The following RBFOX1 variants were observed in gnomAD, a reference collection of about 807,000 sequenced individuals.
The protein encoded by RBFOX1 is RNA binding protein fox-1 homolog 1.
Under a neutral mutation model 57.7 loss-of-function variants are expected in RBFOX1, and 8 were observed. The observed-to-expected ratio is 0.14, with a 90% CI of 0.08 to 0.25. The LOEUF (loss-of-function observed/expected upper bound fraction) is 0.25, where lower values mean the gene tolerates loss of function less well. RBFOX1 is among the 10% of genes least tolerant of loss of function. The probability of loss-of-function intolerance (pLI) is 1.00; values close to 1 mark genes in which losing one functional copy is unlikely to be tolerated. For synonymous variants in RBFOX1, 326 were observed against 222.4 expected (o/e 1.47, Z -4.15); for missense variants, 611 against 548.5 (o/e 1.11, Z -1.14).
chr16:5,486,969 G>T (rs79599658), intron 2 of RBFOX1, among the ~76,000 whole-genome samples: 46 of 152,036 alleles, frequency 3.0e-4, no homozygotes, highest in Non-Finnish European at 4.4e-5. Context: ...TGGAGACTCC[G>T]GTCCCCTGTA....
chr16:5,707,250 T>C (rs2151495581), intron 3 of RBFOX1, among the ~76,000 whole-genome samples: 1 of 152,320 alleles, frequency 6.6e-6, no homozygotes, highest in African/African-American at 2.4e-5. Context: ...AGAGGAAATG[T>C]GTGCAATTGG....
chr16:5,740,273 C>G (rs1022832219), intron 3 of RBFOX1, among the ~76,000 whole-genome samples: 4 of 152,142 alleles, frequency 2.6e-5, no homozygotes, highest in Admixed American at 1.3e-4. Context: ...GTGAGAGGAG[C>G]AAAGCATCCA....
At chr16:7,165,963 CACAT>C (rs957367441) in intron 4 of RBFOX1, among the ~76,000 whole-genome samples, 35 of 76,136 alleles carry the variant, frequency 4.6e-4, no homozygotes, top group African/African-American at 1.2e-3. Flanking sequence ...CACACACACA[CACAT>C]ACATACATAC....
intron 4 of RBFOX1, among the ~76,000 whole-genome samples, chr16:7,322,446 C>T (rs894512807): frequency 6.6e-6 from 1 of 152,234 alleles, no homozygotes; most frequent in South Asian, 2.1e-4. Context: ...AATATGAGCC[C>T]GCCTTAAGGG....
chr16:6,733,342 T>TC (rs2069166307), intron 3 of RBFOX1, among the ~76,000 whole-genome samples: 1 of 152,116 alleles, frequency 6.6e-6, no homozygotes, highest in South Asian at 2.1e-4. Flanking sequence ...CTTCCATCCT[T>TC]CCATAATCCA....
chr16:6,947,819 C>G (rs758988186), intron 3 of RBFOX1, among the ~76,000 whole-genome samples: 4 of 152,150 alleles, frequency 2.6e-5, no homozygotes, highest in Admixed American at 6.5e-5. Flanking sequence ...CTCTGTCGCT[C>G]AAGCTGCAGT....
chr16:6,210,361 C>CAAAAAAAAAAA (rs3064933), intron 1 of RBFOX1, among the ~76,000 whole-genome samples: 2 of 61,446 alleles, frequency 3.3e-5, no homozygotes, highest in Non-Finnish European at 7.0e-5. Flanking sequence ...AAAAAAACAC[C>CAAAAAAAAAAA]AAAAAAAAAA....
intron 2 of RBFOX1, among the ~76,000 whole-genome samples, chr16:6,596,877 G>T (rs1302328703): frequency 6.6e-6 from 1 of 152,138 alleles, no homozygotes; most frequent in Non-Finnish European, 1.5e-5. Flanking sequence ...TAGAGAAATA[G>T]CTAAAGATGT....
intron 2 of RBFOX1, among the ~76,000 whole-genome samples, chr16:6,574,737 A>G (rs1335227359): frequency 7.0e-6 from 1 of 142,472 alleles, no homozygotes; most frequent in Non-Finnish European, 1.5e-5. Context: ...CGTATCTTCT[A>G]TTAAGAACCA....
At chr16:7,481,723 C>T (rs2063988439) in intron 4 of RBFOX1, among the ~76,000 whole-genome samples, 1 of 152,256 alleles carries the variant, frequency 6.6e-6, no homozygotes, top group South Asian at 2.1e-4. Flanking sequence ...AGGATGGGAT[C>T]ATACTGCAAT....
At chr16:6,895,446 G>GTATA (rs1439276748) in intron 3 of RBFOX1, among the ~76,000 whole-genome samples, 28 of 57,086 alleles carry the variant, frequency 4.9e-4, no homozygotes, top group African/African-American at 2.3e-3. Flanking sequence ...GTGTGTGTGT[G>GTATA]TGTATATATA....
In RBFOX1 at chr16:6,503,478, C is replaced by T. The variant is rs184976353; in HGVS notation, c.-63-151125C>T. 6.8e-3 allele frequency among the ~76,000 whole-genome samples: 1,041 copies of T among 152,276 alleles called. 7 individuals carry two copies. The highest frequency in any genetic ancestry group is 0.012 in the Non-Finnish European group (804 of 68,018). On this transcript the variant is annotated intron_variant, in intron 2 of 15. Coordinates refer to ENST00000550418, the MANE Select transcript of RBFOX1 (RefSeq NM_018723.4). ...ACCATGTGGGCTGTGCTCAGCAGGA[C>T]ATTTCTTCTGATGGTTTCATCTGGG...
At chr16:6,730,233 TCATATAGGGAGATGGTAGAACCGTACAC>T (rs989258105) in intron 3 of RBFOX1, among the ~76,000 whole-genome samples, 1 of 152,104 alleles carries the variant, frequency 6.6e-6, no homozygotes, top group Non-Finnish European at 1.5e-5. Context: ...TATATATGGT[TCATATAGGGAGATGGTAGAACCGTACAC>T]CAGTGTACGG....
chr16:7,211,346 T>G (rs12709190), intron 4 of RBFOX1, among the ~76,000 whole-genome samples: 38,074 of 143,526 alleles, frequency 0.27, 5,286 homozygotes, highest in Non-Finnish European at 0.32. Context: ...GAGCCGAGAT[T>G]GCACCACTGC....
intron 3 of RBFOX1, among the ~76,000 whole-genome samples, chr16:5,694,781 T>C (rs576257212): frequency 1.3e-5 from 2 of 151,204 alleles, no homozygotes; most frequent in East Asian, 2.0e-4. Context: ...TTTTCCTTTT[T>C]TGGGGAGTTG....
chr16:6,619,397 A>G (rs1405211031), intron 2 of RBFOX1, among the ~76,000 whole-genome samples: 7 of 152,212 alleles, frequency 4.6e-5, no homozygotes, highest in Admixed American at 4.6e-4. Flanking sequence ...AAAAGGTGGG[A>G]GGGCTTGTTG....
chr16:6,898,396 C>T (rs1297524164), intron 3 of RBFOX1, among the ~76,000 whole-genome samples: 1 of 152,180 alleles, frequency 6.6e-6, no homozygotes, highest in Non-Finnish European at 1.5e-5. Flanking sequence ...GAGTGCACCC[C>T]AGCCCCTGAC....
chr16:6,987,052 C>G (rs1230741679), intron 3 of RBFOX1, among the ~76,000 whole-genome samples: 1 of 152,028 alleles, frequency 6.6e-6, no homozygotes, highest in Non-Finnish European at 1.5e-5. Flanking sequence ...TTGTGGAGAG[C>G]CTGCCCTCTT....
intron 1 of RBFOX1, among the ~76,000 whole-genome samples, chr16:5,404,472 C>A (rs2066807379): frequency 6.6e-6 from 1 of 152,168 alleles, no homozygotes; most frequent in Non-Finnish European, 1.5e-5. Context: ...TCAGTGATCT[C>A]TGTGGACTGC....
Sources: allele counts gnomAD v4.1 joint callset (sites outside exome capture counted in the v4.1 genomes callset), GRCh38; gene constraint gnomAD v4.1.1; transcripts MANE v1.5; gene names NCBI Gene and HGNC (gene_info 2026-07-23, HGNC 2026-07-21).